The following SMAP1 variants were observed in gnomAD, a reference collection of about 807,000 sequenced individuals.
SMAP1 encodes the protein small ArfGAP 1.
Under a neutral mutation model 58.5 loss-of-function variants are expected in SMAP1, and 24 were observed. That is an observed-to-expected ratio of 0.41 (90% CI 0.30 to 0.58). The LOEUF is 0.58. SMAP1 is among the 20% of genes least tolerant of loss of function. SMAP1 has a pLI of 0.29. For missense variants in SMAP1, 563 were observed against 566.3 expected (o/e 0.99, Z 0.06); for synonymous variants, 216 against 196.6 (o/e 1.10, Z -0.82).
chr6:70,817,234 T>G (rs1344212580), intron 6 of SMAP1, among the ~76,000 whole-genome samples: 1 of 151,994 alleles, frequency 6.6e-6, no homozygotes, highest in Non-Finnish European at 1.5e-5. Flanking sequence ...ATTGTCCCTA[T>G]GTTTTCTCAC....
chr6:70,763,176 C>T (rs9354940), intron 3 of SMAP1, among the ~76,000 whole-genome samples: 2 of 143,586 alleles, frequency 1.4e-5, no homozygotes, highest in African/African-American at 5.2e-5. Context: ...AGTCTGTTGG[C>T]GCCATATTTT....
At chr6:70,755,995 T>A (rs530698265) in intron 3 of SMAP1, among the ~76,000 whole-genome samples, 11 of 152,180 alleles carry the variant, frequency 7.2e-5, no homozygotes, top group Non-Finnish European at 1.3e-4. Context: ...TAGAATTGTT[T>A]CCCACATAAT....
intron 1 of SMAP1, among the ~76,000 whole-genome samples, chr6:70,677,046 C>T (rs1766509671): frequency 6.6e-6 from 1 of 151,996 alleles, no homozygotes; most frequent in Non-Finnish European, 1.5e-5. Context: ...TTGCCTAGGC[C>T]TCCTGAAGTG....
chr6:70,724,138 AG>A (rs1288939420), intron 1 of SMAP1, among the ~76,000 whole-genome samples: 3 of 148,866 alleles, frequency 2.0e-5, no homozygotes, highest in African/African-American at 4.9e-5. Flanking sequence ...GGGGTATTTA[AG>A]GTTTTTTTTT....
At chr6:70,748,195 G>T (rs1252929154) in intron 2 of SMAP1, among the ~76,000 whole-genome samples, 1 of 152,112 alleles carries the variant, frequency 6.6e-6, no homozygotes. Flanking sequence ...AATTTCAAGT[G>T]GTAGTAGAGG....
Position 70,773,353 on chromosome 6 carries a change from A to C in SMAP1, c.342A>C (p.Ala114=). 1 of 1,561,732 alleles carries C rather than the reference A, an allele frequency of 6.4e-7. No homozygotes were observed. The highest frequency in any genetic ancestry group is 8.8e-7 in the Non-Finnish European group (1 of 1,139,694). The change falls in exon 4 of 11, where the codon GCA becomes GCC. Residue 114 remains alanine, a synonymous_variant. Transcript: ENST00000370455. ...ENFRRPQTDQ[A]VEFFIRDKYE... ...TCCTTAAGTTATCTGTTTTCAGAGC[A>C]GTGGAATTTTTCATCAGAGATAAAT...
intron 1 of SMAP1, among the ~76,000 whole-genome samples, chr6:70,714,110 G>A (rs369652590): frequency 8.6e-5 from 13 of 151,876 alleles, no homozygotes; most frequent in Non-Finnish European, 1.8e-4. Context: ...CACTTTCCAC[G>A]TATGTGTGTC....
At chr6:70,836,801 A>G (rs1229681696) in intron 6 of SMAP1, 140 bp from the exon 7 acceptor site, 1 of 683,634 alleles carries the variant, frequency 1.5e-6, no homozygotes, top group African/African-American at 1.8e-5. Context: ...GTATATGACA[A>G]ATAATATTCT....
chr6:70,792,501 CAG>C (rs1307032778), intron 5 of SMAP1, among the ~76,000 whole-genome samples: 1 of 151,882 alleles, frequency 6.6e-6, no homozygotes, highest in Non-Finnish European at 1.5e-5. Context: ...GGCAAGAAAA[CAG>C]ATAACTATAT....
At chr6:70,789,432 TAC>T (rs57799062) in intron 4 of SMAP1, among the ~76,000 whole-genome samples, 65,846 of 151,476 alleles carry the variant, frequency 0.43, 14,657 homozygotes, top group South Asian at 0.5. Context: ...AGTGGTTTCA[TAC>T]ACACTGTGTA....
intron 1 of SMAP1, among the ~76,000 whole-genome samples, chr6:70,680,132 A>G (rs1209367038): frequency 1.3e-5 from 2 of 151,558 alleles, no homozygotes; most frequent in Non-Finnish European, 2.9e-5. Flanking sequence ...AACAACAACA[A>G]CAACAGAATG....
chr6:70,838,926 A>G (rs181566392), intron 7 of SMAP1, among the ~76,000 whole-genome samples: 2 of 152,156 alleles, frequency 1.3e-5, no homozygotes, highest in African/African-American at 2.4e-5. Context: ...TTTTTTAAGG[A>G]TGACATTACA....
At chr6:70,848,994 G>A (rs1178012487) in intron 7 of SMAP1, among the ~76,000 whole-genome samples, 2 of 152,188 alleles carry the variant, frequency 1.3e-5, no homozygotes, top group Non-Finnish European at 1.5e-5. Flanking sequence ...TGATGGCTGT[G>A]AAATCCAGAA....
chr6:70,700,293 T>C (rs1767576519), intron 1 of SMAP1, among the ~76,000 whole-genome samples: 1 of 152,166 alleles, frequency 6.6e-6, no homozygotes, highest in Non-Finnish European at 1.5e-5. Flanking sequence ...AGCAGAACAG[T>C]GAACCAATTA....
intron 7 of SMAP1, among the ~76,000 whole-genome samples, chr6:70,850,926 G>A (rs1030325214): frequency 6.6e-6 from 1 of 151,996 alleles, no homozygotes; most frequent in Non-Finnish European, 1.5e-5. Flanking sequence ...ATTTGAAAGG[G>A]TTAGAAATGA....
intron 4 of SMAP1, among the ~76,000 whole-genome samples, chr6:70,784,859 C>T (rs1767934048): frequency 6.6e-6 from 1 of 152,152 alleles, no homozygotes; most frequent in South Asian, 2.1e-4. Context: ...TAATGGGAGA[C>T]TTTAACACCC....
chr6:70,857,880 C>T (rs765080833), intron 9 of SMAP1, 42 bp from the exon 10 acceptor site: 13 of 1,591,634 alleles, frequency 8.2e-6, no homozygotes, highest in South Asian at 3.4e-5. Context: ...TGCAACTACA[C>T]GTGATAGCTC....
chr6:70,742,300 C>T (rs1765848273), intron 2 of SMAP1, among the ~76,000 whole-genome samples: 1 of 152,210 alleles, frequency 6.6e-6, no homozygotes, highest in South Asian at 2.1e-4. Flanking sequence ...CCCAAGTCAC[C>T]TCTTGAATGC....
intron 7 of SMAP1, chr6:70,837,748 A>G (rs1770651756): frequency 8.4e-7 from 1 of 1,183,728 alleles, no homozygotes. Flanking sequence ...GAGCCTTGGC[A>G]CAGGAATAAT....
Sources: gnomAD v4.1 joint callset for allele counts (sites outside exome capture counted in the v4.1 genomes callset) on GRCh38, gnomAD v4.1.1 for gene constraint, MANE v1.5 for transcripts, NCBI Gene and HGNC (gene_info 2026-07-23, HGNC 2026-07-21) for gene names.